TAS2R1: variants seen among roughly 807,000 people sequenced by gnomAD.
The protein encoded by TAS2R1 is taste receptor type 2 member 1.
For missense variants in TAS2R1, 370 were observed against 353.4 expected (o/e 1.05, Z -0.38); for synonymous variants, 141 against 134.2 (o/e 1.05, Z -0.35).
intron 1 of TAS2R1, among the ~76,000 whole-genome samples, chr5:9,660,225 ATTTTTTTT>A (rs35208333): frequency 5.6e-5 from 5 of 88,820 alleles, no homozygotes; most frequent in Admixed American, 2.9e-4. Flanking sequence ...CTCCCGGCTA[ATTTTTTTT>A]TTTTTTTTTT....
intron 2 of TAS2R1, among the ~76,000 whole-genome samples, chr5:9,640,854 G>A (rs1029667463): frequency 7.2e-5 from 11 of 152,128 alleles, no homozygotes; most frequent in African/African-American, 2.4e-4. Context: ...TATTACCAGA[G>A]GAAAAAAATA....
At chr5:9,763,732 C>T in the TAS2R1 span, among the ~76,000 whole-genome samples, 5 of 152,132 alleles carry the variant, frequency 3.3e-5, no homozygotes, top group African/African-American at 1.2e-4. Flanking sequence ...AGCCAAGTGC[C>T]GCAACCCAGC....
the TAS2R1 span, among the ~76,000 whole-genome samples, chr5:9,718,028 C>T: frequency 4.1e-4 from 63 of 152,164 alleles, no homozygotes; most frequent in Non-Finnish European, 2.6e-4. Flanking sequence ...GGCTTGATCT[C>T]GGCTCACTGC....
the TAS2R1 span, among the ~76,000 whole-genome samples, chr5:9,748,917 C>A: frequency 6.6e-6 from 1 of 152,160 alleles, no homozygotes; most frequent in Non-Finnish European, 1.5e-5. Context: ...AAGAGCCTCC[C>A]AAACACCAAA....
chr5:9,816,700 A>G, the TAS2R1 span, among the ~76,000 whole-genome samples: 1 of 152,134 alleles, frequency 6.6e-6, no homozygotes, highest in South Asian at 2.1e-4. Context: ...CTCTTAGCCT[A>G]TTTTGAAAGG....
chr5:9,811,083 G>A, the TAS2R1 span, among the ~76,000 whole-genome samples: 2 of 152,138 alleles, frequency 1.3e-5, no homozygotes. Context: ...TCAGAAGGTG[G>A]TCCTTTTGGG....
At chr5:9,710,238 G>A (rs374353971) in intron 1 of TAS2R1, among the ~76,000 whole-genome samples, 3 of 152,182 alleles carry the variant, frequency 2.0e-5, no homozygotes, top group African/African-American at 7.2e-5. Flanking sequence ...TCACTGAGAG[G>A]ATTGGCTGTC....
At chr5:9,649,041 C>T (rs1740252959) in intron 2 of TAS2R1, among the ~76,000 whole-genome samples, 1 of 152,164 alleles carries the variant, frequency 6.6e-6, no homozygotes, top group African/African-American at 2.4e-5. Context: ...TTCCGAGGGT[C>T]AACATCAAAA....
At chr5:9,844,380 C>T in the TAS2R1 span, among the ~76,000 whole-genome samples, 5 of 152,320 alleles carry the variant, frequency 3.3e-5, no homozygotes, top group East Asian at 9.6e-4. Context: ...ATTCCAGTCA[C>T]ATTTTTCAGT....
the TAS2R1 span, among the ~76,000 whole-genome samples, chr5:9,891,075 A>G: frequency 6.6e-6 from 1 of 152,222 alleles, no homozygotes; most frequent in South Asian, 2.1e-4. Flanking sequence ...GGCTTTTAAA[A>G]TCTCATTCTC....
chr5:9,681,121 G>C (rs1453341079), intron 1 of TAS2R1, among the ~76,000 whole-genome samples: 1 of 151,764 alleles, frequency 6.6e-6, no homozygotes, highest in Non-Finnish European at 1.5e-5. Context: ...ATCTAACATG[G>C]TATCCTGAAT....
chr5:9,805,006 C>T, the TAS2R1 span, among the ~76,000 whole-genome samples: 2 of 150,808 alleles, frequency 1.3e-5, no homozygotes, highest in East Asian at 1.9e-4. Flanking sequence ...ACATGATAAA[C>T]AAAAAAAAGA....
chr5:9,853,450 G>A, the TAS2R1 span, among the ~76,000 whole-genome samples: 1 of 152,186 alleles, frequency 6.6e-6, no homozygotes, highest in South Asian at 2.1e-4. Context: ...ACATTGCCAT[G>A]GAAAGGGGCA....
chr5:9,897,446 C>T, the TAS2R1 span, among the ~76,000 whole-genome samples: 1 of 152,156 alleles, frequency 6.6e-6, no homozygotes, highest in Admixed American at 6.5e-5. Flanking sequence ...AAGACTCCAT[C>T]TCAAAAAACA....
chr5:9,689,702 TA>T (rs920373104), intron 1 of TAS2R1, among the ~76,000 whole-genome samples: 67 of 152,136 alleles, frequency 4.4e-4, no homozygotes, highest in African/African-American at 1.3e-3. Flanking sequence ...TATTATCACT[TA>T]AAAAAAATTT....
At chr5:9,737,088 T>C in the TAS2R1 span, among the ~76,000 whole-genome samples, 1 of 152,148 alleles carries the variant, frequency 6.6e-6, no homozygotes, top group Non-Finnish European at 1.5e-5. Flanking sequence ...AATGGGGAAA[T>C]AAAGGTTGAG....
chr5:9,850,255 T>G, the TAS2R1 span, among the ~76,000 whole-genome samples: 1 of 152,202 alleles, frequency 6.6e-6, no homozygotes, highest in Non-Finnish European at 1.5e-5. Context: ...AAACTCTCTA[T>G]GTGTGTGCTT....
chr5:9,735,382 C>A, the TAS2R1 span, among the ~76,000 whole-genome samples: 1 of 151,432 alleles, frequency 6.6e-6, no homozygotes, highest in South Asian at 2.1e-4. Flanking sequence ...ATTGCCAATG[C>A]GTGAGAGAAT....
chr5:9,796,313 C>T, the TAS2R1 span, among the ~76,000 whole-genome samples: 2 of 152,210 alleles, frequency 1.3e-5, no homozygotes, highest in Non-Finnish European at 2.9e-5. Flanking sequence ...ATATCTACCC[C>T]ACTGGGCCCA....
Sources: gnomAD v4.1 joint callset for allele counts (sites outside exome capture counted in the v4.1 genomes callset) on GRCh38, gnomAD v4.1.1 for gene constraint, MANE v1.5 for transcripts, NCBI Gene and HGNC (gene_info 2026-07-23, HGNC 2026-07-21) for gene names.